Variants in CLMP observed in about 807,000 individuals in gnomAD.
The protein encoded by CLMP is CXADR-like membrane protein.
CLMP carries 27 observed loss-of-function variants against 45.2 expected under a neutral mutation model. The observed-to-expected ratio is 0.60, with a 90% CI of 0.44 to 0.82. The LOEUF (loss-of-function observed/expected upper bound fraction) is 0.82. CLMP is among the 40% of genes least tolerant of loss of function. The pLI is 0.00. For synonymous variants in CLMP, 167 were observed against 171.4 expected, an observed-to-expected ratio of 0.97 and a Z score of 0.20; for missense variants, 403 against 448.4, an observed-to-expected ratio of 0.90 and a Z score of 0.91.
chr11:123,073,543 A>G lies in CLMP; in HGVS notation c.1053T>C (p.Ala351=). The change falls in exon 7 of 7, where the codon GCT becomes GCC. Residue 351 remains alanine, a synonymous_variant. Transcript: ENST00000448775. ...RGSEPKKVHH[A]NLTKAETTPS... Reference sequence around the variant, plus strand: ...GTGTGGTTTCTGCTTTGGTCAGATTAGCATGGTGGACTTTCTTTGGTTCAG... The same window carrying G: ...GTGTGGTTTCTGCTTTGGTCAGATTGGCATGGTGGACTTTCTTTGGTTCAG... 6.2e-7 allele frequency: 1 copy of G among 1,614,202 alleles called. No homozygotes were observed. Among genetic ancestry groups the G allele is most frequent in the Non-Finnish European group, 8.5e-7 (1 of 1,180,036 alleles).
At chr11:123,178,572 G>C (rs1482317815) in intron 1 of CLMP, among the ~76,000 whole-genome samples, 1 of 152,188 alleles carries the variant, frequency 6.6e-6, no homozygotes, top group Admixed American at 6.5e-5. Context: ...GATTAACTTA[G>C]TCTACATATT....
chr11:123,158,488 C>A (rs1182610063), intron 1 of CLMP, among the ~76,000 whole-genome samples: 1 of 152,150 alleles, frequency 6.6e-6, no homozygotes, highest in Non-Finnish European at 1.5e-5. Flanking sequence ...TGGCCTGATG[C>A]CTTTGCAGCC....
chr11:123,080,285 T>A (rs931908073), intron 5 of CLMP, among the ~76,000 whole-genome samples: 3 of 151,728 alleles, frequency 2.0e-5, no homozygotes, highest in Admixed American at 6.6e-5. Context: ...AGTGAGTCAC[T>A]AAGTTCAGAT....
chr11:123,161,078 G>A (rs942665960), intron 1 of CLMP, among the ~76,000 whole-genome samples: 2 of 152,112 alleles, frequency 1.3e-5, no homozygotes, highest in African/African-American at 4.8e-5. Flanking sequence ...AGCAGCACTG[G>A]AAAGGGACAG....
chr11:123,155,721 T>C (rs959115287), intron 1 of CLMP, among the ~76,000 whole-genome samples: 2 of 152,354 alleles, frequency 1.3e-5, no homozygotes. Context: ...GGTATTCATG[T>C]CCTTGTATAG....
chr11:123,139,623 G>C (rs970347689), intron 1 of CLMP, among the ~76,000 whole-genome samples: 4 of 152,110 alleles, frequency 2.6e-5, no homozygotes, highest in African/African-American at 4.8e-5. Context: ...TCAGGAGTTA[G>C]AGACCAGCCT....
At chr11:123,193,477 C>T (rs11219060) in intron 1 of CLMP, among the ~76,000 whole-genome samples, 14,113 of 152,196 alleles carry the variant, frequency 0.093, 2,116 homozygotes, top group African/African-American at 0.31. Flanking sequence ...CATCCAGCTG[C>T]GCCAGATGTG....
chr11:123,108,007 G>A (rs1321618844), intron 1 of CLMP, among the ~76,000 whole-genome samples: 1 of 152,142 alleles, frequency 6.6e-6, no homozygotes, highest in Non-Finnish European at 1.5e-5. Flanking sequence ...AAGGATGGAG[G>A]TAGTTCTGGA....
intron 1 of CLMP, among the ~76,000 whole-genome samples, chr11:123,188,637 C>T (rs1473605065): frequency 2.0e-5 from 3 of 152,178 alleles, no homozygotes; most frequent in Admixed American, 2.0e-4. Context: ...CAGCTTTCTC[C>T]CCTGCCTGCT....
At chr11:123,086,765 A>G (rs979923330) in intron 2 of CLMP, among the ~76,000 whole-genome samples, 3 of 152,202 alleles carry the variant, frequency 2.0e-5, no homozygotes, top group Non-Finnish European at 4.4e-5. Flanking sequence ...CTGTAATCCA[A>G]GCACTTTGGG....
At chr11:123,186,051 G>A (rs571397261) in intron 1 of CLMP, among the ~76,000 whole-genome samples, 6 of 152,230 alleles carry the variant, frequency 3.9e-5, no homozygotes, top group African/African-American at 9.6e-5. Flanking sequence ...TGGCTGCCTC[G>A]TCATGCCTAC....
At chr11:123,109,436 G>T (rs1860608035) in intron 1 of CLMP, among the ~76,000 whole-genome samples, 1 of 152,174 alleles carries the variant, frequency 6.6e-6, no homozygotes, top group Non-Finnish European at 1.5e-5. Context: ...TGACCACACA[G>T]CTAAGGCCAC....
chr11:123,124,075 A>C lies in CLMP; in HGVS notation c.29-26123T>G, dbSNP rs970422778. On this transcript the variant is annotated intron_variant, in intron 1 of 6. Transcript: ENST00000448775. Reference sequence around the variant, plus strand: ...GGAGAGTTAGGAGAAGGAAACTTCTAGGTAAATATTATTGGAATTGGCCTA... The same window carrying C: ...GGAGAGTTAGGAGAAGGAAACTTCTCGGTAAATATTATTGGAATTGGCCTA... Among the ~76,000 whole-genome samples the C allele has an allele frequency of 3.3e-5, 5 of 152,342 alleles. No homozygotes were observed. The South Asian group carries it at 8.3e-4, about 25-fold the overall frequency.
rs1366113093 is a variant in CLMP, at chr11:123,070,817, G to A, written c.*2657C>T. 1.3e-5 allele frequency: 2 copies of A among 152,120 alleles called. No homozygotes were observed. The highest frequency in any genetic ancestry group is 2.4e-5 in the African/African-American group (1 of 41,434). The allele number at this position is 152,120 out of a possible 1,614,324, so 9.4% of individuals were successfully genotyped here. The stretch of plus-strand genomic sequence containing the variant: ...TTAGTGTAAGAAGCATTCCAAATAC[G>A]CCAGTTCTCTTAAACCCATAGCAGA... On this transcript the variant is annotated 3_prime_UTR_variant, in exon 7 of 7. Coordinates refer to ENST00000448775, the MANE Select transcript of CLMP (RefSeq NM_024769.5).
At chr11:123,189,926 C>T (rs1861883410) in intron 1 of CLMP, among the ~76,000 whole-genome samples, 1 of 148,870 alleles carries the variant, frequency 6.7e-6, no homozygotes, top group Non-Finnish European at 1.5e-5. Context: ...CGCTTGAACT[C>T]GGAAGGCAGG....
intron 1 of CLMP, among the ~76,000 whole-genome samples, chr11:123,115,838 G>A (rs973081286): frequency 2.0e-5 from 3 of 152,094 alleles, no homozygotes; most frequent in Admixed American, 6.6e-5. Flanking sequence ...TTAGCAGCTC[G>A]AAACAATAAA....
Position 123,083,071 on chromosome 11 carries a change from C to T in CLMP, c.679+14G>A. ...AAACAGAAAAATGAAACTAAAACCT[C>T]TTTGGATGCTTACACTGTACAGTTA... On this transcript the variant is annotated intron_variant, in intron 5 of 6. Coordinates refer to ENST00000448775, the MANE Select transcript of CLMP (RefSeq NM_024769.5). 1 of 1,612,554 alleles carries T rather than the reference C, an allele frequency of 6.2e-7. No homozygotes were observed. Among genetic ancestry groups the T allele is most frequent in the Non-Finnish European group, 8.5e-7 (1 of 1,179,652 alleles).
At position 123,073,748 on chromosome 11, in the gene CLMP, C is replaced by T. The variant is rs139133124; in HGVS notation, c.848G>A (p.Arg283His). 406 of 1,604,368 alleles carry T rather than the reference C, an allele frequency of 2.5e-4. No homozygotes were observed. Among genetic ancestry groups the T allele is most frequent in the East Asian group, 9.2e-4 (41 of 44,774 alleles). Residue 283 changes from arginine (R) to histidine (H), a missense_variant, in exon 7 of 7, where the codon CGT (arginine) becomes CAT (histidine). Arg to His is a conservative substitution (Grantham distance 29, BLOSUM62 0). Transcript: ENST00000448775. ...GGAAGAGGAGCTGGGTTTCACAAGA[C>T]GGGCTTTTGGAGCTTCAGCATCTTC... ...IREDAEAPKA[R>H]LVKPSSSSSG...
At chr11:123,179,453 A>AGCT (rs999085243) in intron 1 of CLMP, among the ~76,000 whole-genome samples, 1 of 152,218 alleles carries the variant, frequency 6.6e-6, no homozygotes, top group Admixed American at 6.5e-5. Context: ...CACACAAATG[A>AGCT]GCTGACACTC....
Sources: allele counts gnomAD v4.1 joint callset (sites outside exome capture counted in the v4.1 genomes callset), GRCh38; gene constraint gnomAD v4.1.1; transcripts MANE v1.5; gene names NCBI Gene and HGNC (gene_info 2026-07-23, HGNC 2026-07-21).